The following PRPF4 variants were observed in gnomAD, a reference collection of about 807,000 sequenced individuals.
PRPF4 encodes pre-mRNA splicing tri-snRNP complex factor PRPF4.
Under a neutral mutation model 72.2 loss-of-function variants are expected in PRPF4, and 14 were observed. The ratio of observed to expected loss-of-function variants is 0.19; its 90% confidence interval spans 0.13 to 0.30. The LOEUF (loss-of-function observed/expected upper bound fraction) is 0.30. Among genes scored for constraint, PRPF4 ranks in the 10% least tolerant of loss-of-function variants. PRPF4 has a pLI of 1.00. For synonymous variants in PRPF4, 225 were observed against 232.2 expected, an observed-to-expected ratio of 0.97 and a Z score of 0.28; for missense variants, 478 against 653.9, an observed-to-expected ratio of 0.73 and a Z score of 2.93.
Position 113,286,765 on chromosome 9 carries a change from C to G in PRPF4, c.869C>G (p.Pro290Arg), listed in dbSNP as rs772193477. Residue 290 changes from proline (P) to arginine (R), a missense_variant, in exon 9 of 14, where the codon CCA (proline) becomes CGA (arginine). Pro to Arg is a moderately radical substitution (Grantham distance 103). Transcript: ENST00000374198. ...FHPKSTVSLD[P>R]KDVNLASCAA... ...CCCAAATCCACTGTCTCCTTGGACC[C>G]AAAAGATGTCAACCTGGCCTCTTGT... 4 of 1,614,036 alleles carry G rather than the reference C, an allele frequency of 2.5e-6. No homozygotes were observed. In the Admixed American group the frequency reaches 6.7e-5, roughly 27 times the overall value.
At chr9:113,281,037 C>T (rs1420767617) in intron 3 of PRPF4, among the ~76,000 whole-genome samples, 1 of 152,094 alleles carries the variant, frequency 6.6e-6, no homozygotes, top group Non-Finnish European at 1.5e-5. Context: ...GACGGGGTTT[C>T]AACACGTTGG....
intron 4 of PRPF4, 88 bp downstream of exon 4, chr9:113,282,821 C>A: frequency 8.4e-7 from 1 of 1,194,222 alleles, no homozygotes; most frequent in Non-Finnish European, 1.2e-6. Context: ...GTTTGTTTTG[C>A]TGAGATGTTG....
intron 10 of PRPF4, 92 bp from the exon 11 acceptor site, chr9:113,290,374 A>G: frequency 1.3e-6 from 2 of 1,554,728 alleles, no homozygotes; most frequent in Non-Finnish European, 1.8e-6. Context: ...AGAAGCATTA[A>G]TAACTTAAGC....
chr9:113,283,098 G>T lies in PRPF4; in HGVS notation c.481-34G>T, dbSNP rs370892852. 28 of 1,613,978 alleles carry T rather than the reference G, an allele frequency of 1.7e-5. No homozygotes were observed. The African/African-American group carries it at 3.7e-4, about 22-fold the overall frequency. On this transcript the variant is annotated intron_variant, in intron 4 of 13. Transcript: ENST00000374198. ...GTTATAAGAGGAGTAGAATGCTTCA[G>T]ATTTGACCTTTCTGCTCTTAATTTG... is the stretch of plus-strand genomic sequence containing the variant.
chr9:113,285,081 C>T (rs1588015159), intron 7 of PRPF4, among the ~76,000 whole-genome samples: 1 of 152,010 alleles, frequency 6.6e-6, no homozygotes, highest in Non-Finnish European at 1.5e-5. Context: ...CTCCAAGCCT[C>T]ATTACCTTCA....
chr9:113,276,510 A>G lies in PRPF4; in HGVS notation c.28-38A>G, dbSNP rs1194737853. 2.5e-6 allele frequency: 4 copies of G among 1,611,904 alleles called. No individual in the cohort carries two copies. The South Asian group carries it at 3.3e-5, about 13-fold the overall frequency. ...TGGTGAAGTCCGGTAAATTGCCAAG[A>G]TTAAACCTTAGTTTAATGCAGATCT... On this transcript the variant is annotated intron_variant, in intron 1 of 13. Transcript: ENST00000374198.
chr9:113,278,763 T>C (rs1026453827), intron 2 of PRPF4, among the ~76,000 whole-genome samples, 182 bp from the exon 3 acceptor site: 1 of 152,228 alleles, frequency 6.6e-6, no homozygotes, highest in African/African-American at 2.4e-5. Flanking sequence ...TCTTGCCTTT[T>C]GAAGCTGTGT....
At position 113,292,231 on chromosome 9, in the gene PRPF4, GT is replaced by G. The variant is rs2118656112; in HGVS notation, c.*573del. 1 of 152,238 alleles carries G rather than the reference GT, an allele frequency of 6.6e-6. No homozygotes were observed. The highest frequency in any genetic ancestry group is 1.9e-4 in the East Asian group (1 of 5,182). 9.4% of individuals were successfully genotyped at this position (152,238 alleles called of 1,614,324 possible). On this transcript the variant is annotated 3_prime_UTR_variant, in exon 14 of 14. Transcript: ENST00000374198. ...CCTGTCTCAAAAAAAAAAAAAATTT[GT>G]TCGAATGCCTTATAGCCTTCCTCAC...
In PRPF4 at chr9:113,286,281, A is replaced by G. The variant is rs756584838; in HGVS notation, c.799A>G (p.Thr267Ala). The change falls in exon 8 of 14, where the codon ACT becomes GCT. Residue 267 changes from threonine to alanine, a missense_variant. Coordinates refer to ENST00000374198, the MANE Select transcript of PRPF4 (RefSeq NM_001244926.2). ...TGTTCCTGATTGCAACCTCCTTCAC[A>G]CTCTTCGAGGTAAGTTAGAGTCTTA... The part of the protein sequence containing the change: ...WSVPDCNLLH[T>A]LRGHNTNVGA... The G allele has an allele frequency of 3.7e-6, 6 of 1,611,278 alleles. No individual in the cohort carries two copies. The highest frequency in any genetic ancestry group is 3.3e-5 in the South Asian group (3 of 91,002).
In PRPF4 at chr9:113,291,718, A is replaced by C; in HGVS notation, c.*58A>C. ...TCTCTCTAAGGAGCTGTTTTCCTCA[A>C]ACGAGAAGAATTGAAGTGTTTAGTT... On this transcript the variant is annotated 3_prime_UTR_variant, in exon 14 of 14. Transcript: ENST00000374198. 6.5e-7 allele frequency: 1 copy of C among 1,527,280 alleles called. No homozygotes were observed. Among genetic ancestry groups the C allele is most frequent in the Non-Finnish European group, 9.0e-7 (1 of 1,113,024 alleles). The allele number at this position is 1,527,280 out of a possible 1,614,324, so 94.6% of individuals were successfully genotyped here. A position where few individuals can be genotyped will look rare whatever the true frequency, so the allele number is the denominator to read the frequency against.
At position 113,288,267 on chromosome 9, in the gene PRPF4, G is replaced by A. The variant is rs199859291; in HGVS notation, c.1022+3G>A. 8.1e-6 allele frequency: 13 copies of A among 1,613,776 alleles called. No individual in the cohort carries two copies. In the Admixed American group the frequency reaches 2.0e-4, roughly 25 times the overall value. On this transcript the variant is annotated splice_donor_region_variant and intron_variant, in intron 10 of 13. Coordinates refer to ENST00000374198, the MANE Select transcript of PRPF4 (RefSeq NM_001244926.2). ...GGACGTTTCCTGGGCACCACCTGGTGAGCCATCCTGTTATTGTTTTATCCA... is the reference window on the plus strand; with the variant it reads ...GGACGTTTCCTGGGCACCACCTGGTAAGCCATCCTGTTATTGTTTTATCCA...
intron 5 of PRPF4, 33 bp from the exon 6 acceptor site, chr9:113,283,356 G>A (rs745784298): frequency 1.2e-6 from 2 of 1,613,956 alleles, no homozygotes; most frequent in Non-Finnish European, 8.5e-7. Flanking sequence ...TTACAACCCT[G>A]TTGCTCCTGG....
chr9:113,278,836 T>C (rs1466308937), intron 2 of PRPF4, 109 bp from the exon 3 acceptor site: 1 of 1,055,960 alleles, frequency 9.5e-7, no homozygotes, highest in Admixed American at 2.3e-5. Flanking sequence ...ATAAAATGTG[T>C]AATAGACAGT....
intron 10 of PRPF4, among the ~76,000 whole-genome samples, chr9:113,288,817 A>G (rs1413020706): frequency 2.0e-5 from 3 of 152,190 alleles, no homozygotes; most frequent in Non-Finnish European, 4.4e-5. Flanking sequence ...CTCTTGTCCA[A>G]TGCTACAGGT....
Position 113,276,556 on chromosome 9 carries a change from A to G in PRPF4, c.36A>G (p.Lys12=), listed in dbSNP as rs745556052. The G allele has an allele frequency of 1.2e-6, 2 of 1,614,172 alleles. No individual in the cohort carries two copies. The highest frequency in any genetic ancestry group is 1.7e-6 in the Non-Finnish European group (2 of 1,180,034). ...GATCTTTGATTTAGCAGGCAACCAA[A>G]ACTAAAGCACCCGACGACTTAGTTG... The part of the protein sequence containing the change: ...ASSRASSTAT[K]TKAPDDLVAP... The change falls in exon 2 of 14, where the codon AAA becomes AAG. Residue 12 remains lysine, a synonymous_variant. Coordinates refer to ENST00000374198, the MANE Select transcript of PRPF4 (RefSeq NM_001244926.2).
intron 7 of PRPF4, among the ~76,000 whole-genome samples, chr9:113,285,753 C>T (rs1324100477): frequency 6.6e-6 from 1 of 151,866 alleles, no homozygotes; most frequent in Admixed American, 6.6e-5. Context: ...TTAGTCCCAG[C>T]TACTCAGGAG....
chr9:113,286,718 T>C lies in PRPF4; in HGVS notation c.822T>C (p.Asn274=). 3 of 1,614,186 alleles carry C rather than the reference T, an allele frequency of 1.9e-6. No homozygotes were observed. Among genetic ancestry groups the C allele is most frequent in the Non-Finnish European group, 2.5e-6 (3 of 1,180,008 alleles). ...ACACTCCTTTAGGGCATAACACAAA[T>C]GTAGGAGCAATTGTATTCCATCCCA... ...LLHTLRGHNT[N]VGAIVFHPKS... is the part of the protein sequence containing the mutation. Residue 274 remains asparagine (N), a synonymous_variant, in exon 9 of 14, where the codon AAT becomes AAC. Transcript: ENST00000374198.
intron 2 of PRPF4, among the ~76,000 whole-genome samples, chr9:113,278,712 A>T (rs1211990297): frequency 6.6e-6 from 1 of 152,242 alleles, no homozygotes; most frequent in African/African-American, 2.4e-5. Context: ...TTATATAGGC[A>T]CAAAGTTAAT....
At chr9:113,290,378 C>T in intron 10 of PRPF4, 88 bp from the exon 11 acceptor site, 1 of 1,565,584 alleles carries the variant, frequency 6.4e-7, no homozygotes. Flanking sequence ...GCATTAATAA[C>T]TTAAGCTATA....
Sources: gnomAD v4.1 joint callset for allele counts (sites outside exome capture counted in the v4.1 genomes callset) on GRCh38, gnomAD v4.1.1 for gene constraint, MANE v1.5 for transcripts, NCBI Gene and HGNC (gene_info 2026-07-23, HGNC 2026-07-21) for gene names.